Variants in AFF3 observed in about 807,000 individuals in gnomAD.
AFF3 encodes AF4/FMR2 family member 3.
A neutral mutation model predicts 129.7 loss-of-function variants in AFF3; 32 were observed. The ratio of observed to expected loss-of-function variants is 0.25; its 90% CI spans 0.19 to 0.33. The LOEUF (loss-of-function observed/expected upper bound fraction) is 0.33, where lower values mean the gene tolerates loss of function less well. Ranked by LOEUF, AFF3 falls within the 10% of genes least tolerant of loss-of-function variation. The probability of loss-of-function intolerance (pLI) is 1.00; values close to 1 mark genes in which losing one functional copy is unlikely to be tolerated. For synonymous variants in AFF3, 644 were observed against 635.4 expected (o/e 1.01, Z -0.20); for missense variants, 1,373 against 1,592.0 (o/e 0.86, Z 2.34).
chr2:100,018,271 T>G (rs1008188689), intron 4 of AFF3, among the ~76,000 whole-genome samples: 1 of 152,176 alleles, frequency 6.6e-6, no homozygotes, highest in Admixed American at 6.6e-5. Flanking sequence ...TAAGTTCATT[T>G]TATGACAGAG....
rs1450746446 is a variant in AFF3 at position 100,092,837 on chromosome 2, C to T, written c.53+11565G>A. 3.3e-5 allele frequency among the ~76,000 whole-genome samples: 5 copies of T among 151,552 alleles called. No individual in the cohort carries two copies. In the East Asian group the frequency reaches 5.9e-4, roughly 18 times the overall value. On this transcript the variant is annotated intron_variant, in intron 4 of 24. Transcript: ENST00000672756. ...TAAAATACCATGCTGAGTAGGGTAC[C>T]CCCGTACATACTCCACAGGATTTGG... is the stretch of plus-strand genomic sequence containing the variant.
intron 4 of AFF3, among the ~76,000 whole-genome samples, chr2:100,055,774 C>T (rs532786942): frequency 1.3e-5 from 2 of 152,242 alleles, no homozygotes; most frequent in African/African-American, 4.8e-5. Context: ...AACAAATGGG[C>T]ACAACTGTGT....
intron 7 of AFF3, among the ~76,000 whole-genome samples, chr2:99,857,315 T>C (rs989241736): frequency 1.3e-5 from 2 of 152,250 alleles, no homozygotes; most frequent in Non-Finnish European, 2.9e-5. Context: ...TTGCATTAAT[T>C]GTGATCAATT....
chr2:99,820,576 TTTC>T (rs1191454239), intron 8 of AFF3, among the ~76,000 whole-genome samples: 1 of 151,016 alleles, frequency 6.6e-6, no homozygotes. Flanking sequence ...AATATTTTTC[TTTC>T]TTCAATAATA....
At chr2:99,843,969 G>A (rs1689509076) in intron 7 of AFF3, among the ~76,000 whole-genome samples, 1 of 152,120 alleles carries the variant, frequency 6.6e-6, no homozygotes, top group East Asian at 1.9e-4. Context: ...GGTGGAGGTT[G>A]CAGTGAGCCA....
chr2:99,623,296 C>G (rs1055788021), intron 13 of AFF3, among the ~76,000 whole-genome samples: 2 of 152,066 alleles, frequency 1.3e-5, no homozygotes, highest in African/African-American at 4.8e-5. Flanking sequence ...GTTCAAAGAG[C>G]AAGATAAAAG....
chr2:100,005,543 C>T (rs1440680477), intron 7 of AFF3, among the ~76,000 whole-genome samples: 3 of 152,274 alleles, frequency 2.0e-5, no homozygotes, highest in Non-Finnish European at 4.4e-5. Context: ...CTTTTAAAAA[C>T]GTAAATGCCT....
intron 7 of AFF3, among the ~76,000 whole-genome samples, chr2:99,882,509 G>A (rs1438982916): frequency 3.9e-5 from 6 of 152,152 alleles, no homozygotes; most frequent in Non-Finnish European, 8.8e-5. Flanking sequence ...CAGTCTGCCT[G>A]GTTCATGAGG....
At chr2:99,801,551 C>A (rs1175691956) in intron 8 of AFF3, among the ~76,000 whole-genome samples, 1 of 152,182 alleles carries the variant, frequency 6.6e-6, no homozygotes, top group East Asian at 1.9e-4. Context: ...TGAGCAGATA[C>A]TTCCCCACTC....
intron 12 of AFF3, 133 bp downstream of exon 12, chr2:99,672,405 G>T: frequency 2.6e-6 from 2 of 757,738 alleles, no homozygotes; most frequent in Non-Finnish European, 4.5e-6. Flanking sequence ...CTGCATAGAA[G>T]CTCACACTTA....
At chr2:99,651,079 A>G (rs1196929700) in intron 12 of AFF3, among the ~76,000 whole-genome samples, 1 of 150,714 alleles carries the variant, frequency 6.6e-6, no homozygotes, top group Non-Finnish European at 1.5e-5. Context: ...AGGCCAAGGC[A>G]GGAGAATTGC....
At chr2:100,016,104 G>A (rs1454562400) in intron 4 of AFF3, among the ~76,000 whole-genome samples, 1 of 151,422 alleles carries the variant, frequency 6.6e-6, no homozygotes, top group Admixed American at 6.6e-5. Flanking sequence ...TGGTAGTGAT[G>A]GTGGTGGTGG....
chr2:99,841,635 T>C (rs1689325115), intron 7 of AFF3, among the ~76,000 whole-genome samples: 1 of 152,176 alleles, frequency 6.6e-6, no homozygotes, highest in African/African-American at 2.4e-5. Context: ...AGTGAATCCA[T>C]GGGCCACAGT....
intron 13 of AFF3, among the ~76,000 whole-genome samples, chr2:99,633,846 C>T (rs376446960): frequency 1.2e-3 from 179 of 151,908 alleles, no homozygotes; most frequent in African/African-American, 4.1e-3. Flanking sequence ...AAGCTGATGT[C>T]AGTGCCCCAC....
At chr2:99,775,700 A>G (rs1423040112) in intron 8 of AFF3, among the ~76,000 whole-genome samples, 6 of 152,118 alleles carry the variant, frequency 3.9e-5, no homozygotes, top group Non-Finnish European at 7.4e-5. Flanking sequence ...TTGGAAAAAA[A>G]AAAACCCAAG....
In AFF3 at chr2:99,662,394, A is replaced by T. The variant is rs147632399; in HGVS notation, c.1143+10144T>A. ...GCTCAGGTACAACATAAAATGCAAG[A>T]CTAAAAAGAAAAACGAACATACAGT... On this transcript the variant is annotated intron_variant, in intron 12 of 24. Transcript: ENST00000672756. Among the ~76,000 whole-genome samples the T allele has an allele frequency of 9.2e-5, 14 of 152,312 alleles. No individual in the cohort carries two copies. The East Asian group carries it at 2.1e-3, about 23-fold the overall frequency.
chr2:99,977,082 G>A (rs972513629), intron 7 of AFF3, among the ~76,000 whole-genome samples: 1 of 152,070 alleles, frequency 6.6e-6, no homozygotes, highest in African/African-American at 2.4e-5. Context: ...AGAGACCAAG[G>A]GATCCTTTTT....
intron 15 of AFF3, among the ~76,000 whole-genome samples, chr2:99,588,119 T>C (rs1269449328): frequency 2.0e-5 from 3 of 152,166 alleles, no homozygotes; most frequent in South Asian, 2.1e-4. Context: ...TTAGAATCCA[T>C]AAAGTACCTT....
At chr2:99,565,458 C>T (rs141923614) in intron 20 of AFF3, 29 bp downstream of exon 20, 2 of 1,607,828 alleles carry the variant, frequency 1.2e-6, no homozygotes, top group East Asian at 2.2e-5. Context: ...CACTCCTCCC[C>T]TCATCCAGCA....
Sources: allele counts gnomAD v4.1 joint callset (sites outside exome capture counted in the v4.1 genomes callset), GRCh38; gene constraint gnomAD v4.1.1; transcripts MANE v1.5; gene names NCBI Gene and HGNC (gene_info 2026-07-23, HGNC 2026-07-21).